The following KCTD8 variants were observed in gnomAD, a reference collection of about 807,000 sequenced individuals.
The protein encoded by KCTD8 is BTB/POZ domain-containing protein KCTD8.
A neutral mutation model predicts 31.5 loss-of-function variants in KCTD8; 27 were observed. The ratio of observed to expected loss-of-function variants is 0.86; its 90% CI spans 0.63 to 1.18. The LOEUF (loss-of-function observed/expected upper bound fraction) is 1.18, where lower values mean the gene tolerates loss of function less well. Among genes scored for constraint, KCTD8 ranks in the 50% most tolerant of loss-of-function variants. KCTD8 has a pLI of 0.00. For missense variants in KCTD8, 658 were observed against 647.7 expected (o/e 1.02, Z -0.17); for synonymous variants, 290 against 280.0 (o/e 1.04, Z -0.36).
In KCTD8 at chr4:44,226,315, G is replaced by A. The variant is rs961156405; in HGVS notation, c.962-51065C>T. Among the ~76,000 whole-genome samples, 14 of 152,182 alleles carry A rather than the reference G, an allele frequency of 9.2e-5. No individual in the cohort carries two copies. In the South Asian group the frequency reaches 1.2e-3, roughly 14 times the overall value. On this transcript the variant is annotated intron_variant, in intron 1 of 1. Coordinates refer to ENST00000360029, the MANE Select transcript of KCTD8 (RefSeq NM_198353.3). Reference sequence around the variant, plus strand: ...TGTTTGGTTTTGTGTTACTGTGTTAGTTTGCTGAGAATGATGGCTTTCAGC... The same window carrying A: ...TGTTTGGTTTTGTGTTACTGTGTTAATTTGCTGAGAATGATGGCTTTCAGC...
intron 1 of KCTD8, among the ~76,000 whole-genome samples, chr4:44,418,630 C>T (rs1440802403): frequency 1.3e-5 from 2 of 152,136 alleles, no homozygotes; most frequent in East Asian, 1.9e-4. Flanking sequence ...TCTTGCTGAG[C>T]AAATACTACA....
In KCTD8 at chr4:44,211,563, C is replaced by T. The variant is rs531529896; in HGVS notation, c.962-36313G>A. Among the ~76,000 whole-genome samples, 4 of 152,228 alleles carry T rather than the reference C, an allele frequency of 2.6e-5. No homozygotes were observed. The East Asian group carries it at 7.7e-4, about 29-fold the overall frequency. On this transcript the variant is annotated intron_variant, in intron 1 of 1. Transcript: ENST00000360029. ...ACTGTGTGAAAATACCTTATCTATC[C>T]TCTCATCAATGGTTATTGAGACAGC...
chr4:44,307,014 C>T (rs760709710), intron 1 of KCTD8, among the ~76,000 whole-genome samples: 16 of 151,968 alleles, frequency 1.1e-4, no homozygotes, highest in Non-Finnish European at 2.2e-4. Context: ...CTGACACTCG[C>T]CATCCAATAT....
intron 1 of KCTD8, among the ~76,000 whole-genome samples, chr4:44,302,614 T>C (rs999631454): frequency 3.3e-5 from 5 of 152,014 alleles, no homozygotes; most frequent in Non-Finnish European, 7.4e-5. Context: ...TAAGGAGATT[T>C]TGGGCTGAGA....
chr4:44,230,592 C>T (rs1412023561), intron 1 of KCTD8, among the ~76,000 whole-genome samples: 2 of 152,120 alleles, frequency 1.3e-5, no homozygotes, highest in African/African-American at 4.8e-5. Flanking sequence ...AGATCCATTA[C>T]ATGTTAACTT....
At chr4:44,351,009 T>A (rs1719181203) in intron 1 of KCTD8, among the ~76,000 whole-genome samples, 1 of 152,110 alleles carries the variant, frequency 6.6e-6, no homozygotes, top group Non-Finnish European at 1.5e-5. Flanking sequence ...ATATGTCAAT[T>A]TTATTCAGAT....
chr4:44,447,753 G>T lies in KCTD8; in HGVS notation c.771C>A (p.Asp257Glu). Reference sequence around the variant, plus strand: ...TGTACTTCTCCGGCTGCCGGTCGGGGTCGCGGCTCTCGTTGAGCGTGTCCC... The same window carrying T: ...TGTACTTCTCCGGCTGCCGGTCGGGTTCGCGGCTCTCGTTGAGCGTGTCCC... ...VFGDTLNESR[D>E]PDRQPEKYTS... Residue 257 changes from aspartate (D) to glutamate (E), a missense_variant, in exon 1 of 2, where the codon GAC (aspartate) becomes GAA (glutamate). Coordinates refer to ENST00000360029, the MANE Select transcript of KCTD8 (RefSeq NM_198353.3). 1 of 1,612,116 alleles carries T rather than the reference G, an allele frequency of 6.2e-7. No homozygotes were observed. Among genetic ancestry groups the T allele is most frequent in the Non-Finnish European group, 8.5e-7 (1 of 1,179,184 alleles).
intron 1 of KCTD8, among the ~76,000 whole-genome samples, chr4:44,286,896 G>A (rs140314507): frequency 4.4e-4 from 67 of 152,232 alleles, no homozygotes; most frequent in Non-Finnish European, 7.1e-4. Flanking sequence ...GTAGGTAACA[G>A]AGGACTTGTT....
At chr4:44,357,520 A>C (rs1030693757) in intron 1 of KCTD8, among the ~76,000 whole-genome samples, 1 of 152,302 alleles carries the variant, frequency 6.6e-6, no homozygotes, top group East Asian at 1.9e-4. Flanking sequence ...CAGAGTGTGA[A>C]GGGTCACTTA....
intron 1 of KCTD8, among the ~76,000 whole-genome samples, chr4:44,313,006 C>T (rs1295931873): frequency 6.6e-6 from 1 of 152,134 alleles, no homozygotes; most frequent in Admixed American, 6.5e-5. Context: ...ACTGTTTCCC[C>T]CCATTTTTGA....
chr4:44,219,179 A>G (rs1447900620), intron 1 of KCTD8, among the ~76,000 whole-genome samples: 1 of 152,232 alleles, frequency 6.6e-6, no homozygotes, highest in Non-Finnish European at 1.5e-5. Context: ...ATTTATCTAG[A>G]TAATATTTTT....
At chr4:44,291,147 G>C (rs1717260786) in intron 1 of KCTD8, among the ~76,000 whole-genome samples, 2 of 152,030 alleles carry the variant, frequency 1.3e-5, no homozygotes, top group South Asian at 2.1e-4. Flanking sequence ...TGATCCCACA[G>C]ACACAATATA....
Position 44,448,622 on chromosome 4 carries a change from C to G in KCTD8, c.-99G>C, listed in dbSNP as rs559466523. On this transcript the variant is annotated 5_prime_UTR_variant, in exon 1 of 2. Coordinates refer to ENST00000360029, the MANE Select transcript of KCTD8 (RefSeq NM_198353.3). The surrounding 1 kb of genome is among the most constrained non-coding windows in gnomAD (Gnocchi z 4.1). ...CCGCGTGCTCCTGGCGCTCTGCGCC[C>G]TCGGACTGGGCGGCGCGTTCCTCCG... is the stretch of plus-strand genomic sequence containing the variant. 1.6e-6 allele frequency: 2 copies of G among 1,246,052 alleles called. No individual in the cohort carries two copies. The highest frequency in any genetic ancestry group is 3.1e-5 in the East Asian group (1 of 32,184). The allele number at this position is 1,246,052 out of a possible 1,614,324, so 77.2% of individuals were successfully genotyped here. A position where few individuals can be genotyped will look rare whatever the true frequency, so the allele number is the denominator to read the frequency against.
intron 1 of KCTD8, among the ~76,000 whole-genome samples, chr4:44,382,639 A>G (rs912313055): frequency 6.6e-6 from 1 of 152,020 alleles, no homozygotes; most frequent in South Asian, 2.1e-4. Flanking sequence ...CTGAGGCAGA[A>G]GAATCGTTTG....
At position 44,301,095 on chromosome 4, in the gene KCTD8, T is replaced by A. The variant is rs552092541; in HGVS notation, c.962-125845A>T. On this transcript the variant is annotated intron_variant, in intron 1 of 1. Transcript: ENST00000360029. ...TATTCCATGGTGTATATGTGCCACA[T>A]TTTCTTAATCCAGTCTATCGTTGTT... 1.5e-3 allele frequency among the ~76,000 whole-genome samples: 221 copies of A among 152,148 alleles called. 5 individuals are homozygous for A. In the East Asian group the frequency reaches 0.036, roughly 25 times the overall value.
intron 1 of KCTD8, among the ~76,000 whole-genome samples, chr4:44,362,752 C>A (rs1037143609): frequency 6.7e-6 from 1 of 150,208 alleles, no homozygotes; most frequent in Non-Finnish European, 1.5e-5. Flanking sequence ...GGCCTAGTTT[C>A]TTCTGTGTTA....
At chr4:44,294,250 C>G (rs559881340) in intron 1 of KCTD8, among the ~76,000 whole-genome samples, 1 of 151,996 alleles carries the variant, frequency 6.6e-6, no homozygotes, top group Admixed American at 6.6e-5. Context: ...CCTGTGGTAA[C>G]GCAGAAAAAT....
At chr4:44,201,551 A>G (rs1307966146) in intron 1 of KCTD8, among the ~76,000 whole-genome samples, 2 of 152,048 alleles carry the variant, frequency 1.3e-5, no homozygotes, top group Non-Finnish European at 2.9e-5. Context: ...ACAAGCAAGG[A>G]GAAAGGACTC....
intron 1 of KCTD8, among the ~76,000 whole-genome samples, chr4:44,244,475 C>A (rs984957176): frequency 3.3e-5 from 5 of 152,130 alleles, no homozygotes; most frequent in Non-Finnish European, 7.4e-5. Context: ...TCCTGCCTTT[C>A]ATCCTTTATT....
Sources: gnomAD v4.1 joint callset for allele counts (sites outside exome capture counted in the v4.1 genomes callset) on GRCh38, gnomAD v4.1.1 for gene constraint, Gnocchi (gnomAD v3.1) non-coding constraint, MANE v1.5 for transcripts, NCBI Gene and HGNC (gene_info 2026-07-23, HGNC 2026-07-21) for gene names.